The following DCP1B variants were observed in gnomAD, a reference collection of about 807,000 sequenced individuals.
DCP1B encodes mRNA-decapping enzyme 1B.
In DCP1B, 47 loss-of-function variants were observed where a neutral mutation model predicts 60.5. The observed-to-expected ratio is 0.78, with a 90% CI of 0.61 to 0.99. DCP1B has a LOEUF of 0.99. DCP1B is among the 50% of genes least tolerant of loss of function. The pLI is 0.00. For missense variants in DCP1B, 725 were observed against 756.8 expected (o/e 0.96, Z 0.49); for synonymous variants, 267 against 280.3 (o/e 0.95, Z 0.47).
At chr12:1,980,711 G>A (rs1368628932) in intron 3 of DCP1B, among the ~76,000 whole-genome samples, 3 of 107,222 alleles carry the variant, frequency 2.8e-5, no homozygotes, top group Middle Eastern at 5.3e-3. Context: ...TATTTATTTC[G>A]TTGCTTCTAT....
chr12:1,954,636 ATACCATTCCTTTGGACTC>A (rs1218892052), intron 6 of DCP1B, among the ~76,000 whole-genome samples: 1 of 152,056 alleles, frequency 6.6e-6, no homozygotes, highest in Non-Finnish European at 1.5e-5. Context: ...GAGGAGTTTT[ATACCATTCCTTTGGACTC>A]TGAGCTCTCG....
chr12:1,950,104 A>C, intron 7 of DCP1B: 1 of 518,702 alleles, frequency 1.9e-6, no homozygotes, highest in Non-Finnish European at 3.4e-6. Context: ...GTTATTTATC[A>C]GCCTCCGAAC....
chr12:1,955,606 T>G (rs369962000), intron 5 of DCP1B, 46 bp from the exon 6 acceptor site: 1 of 1,570,296 alleles, frequency 6.4e-7, no homozygotes, highest in African/African-American at 1.4e-5. Flanking sequence ...TAGAAAAGCT[T>G]TAGTCTTTTT....
intron 3 of DCP1B, among the ~76,000 whole-genome samples, chr12:1,969,112 G>C (rs2031611802): frequency 6.6e-6 from 1 of 151,830 alleles, no homozygotes; most frequent in African/African-American, 2.4e-5. Flanking sequence ...TTTTTACAAG[G>C]GAAAAAAGAC....
chr12:1,966,553 A>C (rs569168993), intron 4 of DCP1B, among the ~76,000 whole-genome samples: 58 of 152,332 alleles, frequency 3.8e-4, no homozygotes, highest in African/African-American at 1.3e-3. Context: ...GAATCCACAC[A>C]ATCAGCTGCT....
rs2030511127 is a variant in DCP1B at position 1,948,192 on chromosome 12, C to T, written c.1773+894G>A. ...AAATGTTCCACTTTTCAAGGACTGC[C>T]GTTGATTTCTTGGGTGTGCTTTGCT... On this transcript the variant is annotated intron_variant, in intron 8 of 8. Coordinates refer to ENST00000280665, the MANE Select transcript of DCP1B (RefSeq NM_152640.5). This position sits in a 1 kb window ranked among gnomAD's most constrained non-coding sequence, Gnocchi z 4.8. Among the ~76,000 whole-genome samples, 1 of 152,326 alleles carries T rather than the reference C, an allele frequency of 6.6e-6. No homozygotes were observed. The highest frequency in any genetic ancestry group is 2.1e-4 in the South Asian group (1 of 4,832).
intron 5 of DCP1B, among the ~76,000 whole-genome samples, 189 bp from the exon 6 acceptor site, chr12:1,955,749 T>C (rs1255696354): frequency 6.6e-6 from 1 of 152,230 alleles, no homozygotes; most frequent in Non-Finnish European, 1.5e-5. Flanking sequence ...AAATTTAATT[T>C]TTCTTAGTTG....
intron 5 of DCP1B, among the ~76,000 whole-genome samples, chr12:1,963,223 T>G (rs1283587596): frequency 1.3e-5 from 2 of 152,198 alleles, no homozygotes; most frequent in Non-Finnish European, 1.5e-5. Context: ...CCTTCCACTG[T>G]CAAGTTTCTA....
At chr12:1,947,881 T>C (rs2030496048) in intron 8 of DCP1B, among the ~76,000 whole-genome samples, 1 of 152,208 alleles carries the variant, frequency 6.6e-6, no homozygotes, top group South Asian at 2.1e-4. Context: ...CAGGCTGGTC[T>C]TGAACTCCTG....
At chr12:1,986,104 C>T (rs767381510) in intron 3 of DCP1B, among the ~76,000 whole-genome samples, 122 of 152,352 alleles carry the variant, frequency 8.0e-4, no homozygotes, top group Middle Eastern at 3.4e-3. Flanking sequence ...TGAGCCACTG[C>T]GCCCAGCCGT....
intron 1 of DCP1B, among the ~76,000 whole-genome samples, chr12:2,002,514 G>T (rs1302124977): frequency 6.6e-6 from 1 of 152,204 alleles, no homozygotes; most frequent in African/African-American, 2.4e-5. Flanking sequence ...TGACACATCT[G>T]CTTTTTGATG....
rs945214966 is a variant in DCP1B, at chr12:1,971,098, A to G, written c.320-3188T>C. The G allele has an allele frequency of 3.9e-6, 5 of 1,288,994 alleles. No individual in the cohort carries two copies. The highest frequency in any genetic ancestry group is 5.1e-6 in the Non-Finnish European group (5 of 988,100). The allele number at this position is 1,288,994 out of a possible 1,614,324, so 79.8% of individuals were successfully genotyped here. ...CCTTTGTTCAGCCTGGTACGCCTGC[A>G]TACCAGCCGCTTCCCAGCCACCTGT... On this transcript the variant is annotated intron_variant, in intron 3 of 8. Transcript: ENST00000280665. The surrounding 1 kb of genome is among the most constrained non-coding windows in gnomAD (Gnocchi z 4.2).
At chr12:1,961,299 G>T (rs576082733) in intron 5 of DCP1B, 2 of 152,284 alleles carry the variant, frequency 1.3e-5, no homozygotes, top group Admixed American at 6.5e-5. Flanking sequence ...AGACTCCAAG[G>T]GTTCCTGTAC....
intron 1 of DCP1B, among the ~76,000 whole-genome samples, chr12:1,999,356 A>G (rs1170238171): frequency 6.6e-6 from 1 of 152,238 alleles, no homozygotes; most frequent in Non-Finnish European, 1.5e-5. Context: ...ATAAAAAATC[A>G]TTACCTAGTA....
In DCP1B at chr12:2,004,277, C is replaced by T; in HGVS notation, c.150+5G>A. The T allele has an allele frequency of 6.2e-7, 1 of 1,613,018 alleles. No individual in the cohort carries two copies. The highest frequency in any genetic ancestry group is 8.5e-7 in the Non-Finnish European group (1 of 1,179,858). On this transcript the variant is annotated splice_donor_5th_base_variant and intron_variant, in intron 1 of 8. Coordinates refer to ENST00000280665, the MANE Select transcript of DCP1B (RefSeq NM_152640.5). ...GCTGCACTGCTCCGCCGCGTCCGCACGCACCCACTCGTTGGCCCGATGGCC... is the reference window on the plus strand; with the variant it reads ...GCTGCACTGCTCCGCCGCGTCCGCATGCACCCACTCGTTGGCCCGATGGCC...
At chr12:1,944,898 C>T (rs981220347), downstream of DCP1B, among the ~76,000 whole-genome samples, 1 of 152,086 alleles carries the variant, frequency 6.6e-6, no homozygotes, top group African/African-American at 2.4e-5. Flanking sequence ...ACTAAAACAC[C>T]AAAAGCAATG....
chr12:1,943,977 G>A (rs1434250369), downstream of DCP1B, among the ~76,000 whole-genome samples: 1 of 152,092 alleles, frequency 6.6e-6, no homozygotes, highest in Non-Finnish European at 1.5e-5. Flanking sequence ...ATTCAAATAG[G>A]AACAGAGGAA....
At position 1,955,450 on chromosome 12, in the gene DCP1B, A is replaced by G. The variant is rs34175323; in HGVS notation, c.633T>C (p.Arg211=). ...TCCGTACCTGGTTGGGCTGAGGTAT[A>G]CGCTGTTGCTGGTTTTCACTGGGTT... is the stretch of plus-strand genomic sequence containing the variant. ...PVKPSENQQQ[R]IPQPNQTLDP... The change falls in exon 6 of 9, where the codon CGT becomes CGC. Residue 211 remains arginine (R), a synonymous_variant. Transcript: ENST00000280665. 54,149 of 1,608,502 alleles carry G rather than the reference A, an allele frequency of 0.034. 1,186 individuals carry two copies. The highest frequency in any genetic ancestry group is 0.074 in the Middle Eastern group (446 of 6,050).
At chr12:1,983,503 T>C (rs1289720854) in intron 3 of DCP1B, among the ~76,000 whole-genome samples, 1 of 152,052 alleles carries the variant, frequency 6.6e-6, no homozygotes, top group African/African-American at 2.4e-5. Context: ...AAGTATGCTG[T>C]TTAATTTCCA....
Sources: allele counts gnomAD v4.1 joint callset (sites outside exome capture counted in the v4.1 genomes callset), GRCh38; gene constraint gnomAD v4.1.1; non-coding constraint Gnocchi (gnomAD v3.1); transcripts MANE v1.5; gene names NCBI Gene and HGNC (gene_info 2026-07-23, HGNC 2026-07-21).